Variants in MYZAP observed in about 807,000 individuals in gnomAD.
MYZAP encodes the protein GRINL1A complex locus upstream.
Under a neutral mutation model 69.4 loss-of-function variants are expected in MYZAP, and 66 were observed. The observed-to-expected ratio is 0.95, with a 90% confidence interval of 0.78 to 1.17. The LOEUF is 1.17. Among genes scored for constraint, MYZAP ranks in the 50% most tolerant of loss-of-function variants. MYZAP has a pLI of 0.00. For synonymous variants in MYZAP, 256 were observed against 205.9 expected (o/e 1.24, Z -2.09); for missense variants, 611 against 556.2 (o/e 1.10, Z -0.99).
chr15:57,633,725 T>A lies in MYZAP; in HGVS notation c.917T>A (p.Ile306Asn). 6.2e-7 allele frequency: 1 copy of A among 1,608,974 alleles called. No individual in the cohort carries two copies. The highest frequency in any genetic ancestry group is 1.1e-5 in the South Asian group (1 of 89,550). The change falls in exon 8 of 13, where the codon ATT becomes AAT. Residue 306 changes from isoleucine (I) to asparagine (N), a missense_variant. By Grantham distance (149) the Ile-to-Asn change is moderately radical. Transcript: ENST00000267853. ...AGGATCGGGGAGCTGGACAGGCTGA[T>A]TGAGCGCATGGAAAAGGTAGGACAC... is the stretch of plus-strand genomic sequence containing the variant. Reference protein sequence around the residue: ...DQRIGELDRLIERMEKERHQL... With the variant: ...DQRIGELDRLNERMEKERHQL...
At chr15:57,607,211 A>G (rs2034808431) in intron 2 of MYZAP, among the ~76,000 whole-genome samples, 1 of 152,184 alleles carries the variant, frequency 6.6e-6, no homozygotes, top group African/African-American at 2.4e-5. Flanking sequence ...ATTGGGGAAT[A>G]TAGTCTTTTG....
At chr15:57,646,703 G>A in intron 10 of MYZAP, 2 of 987,480 alleles carry the variant, frequency 2.0e-6, no homozygotes, top group Non-Finnish European at 2.4e-6. Context: ...TTGTATATGG[G>A]AGGTGGCCCT....
intron 12 of MYZAP, among the ~76,000 whole-genome samples, chr15:57,678,276 A>G (rs1375918400): frequency 4.0e-5 from 6 of 151,888 alleles, no homozygotes; most frequent in Non-Finnish European, 5.9e-5. Context: ...ACAGGAGAAT[A>G]GCTTGAACCC....
intron 10 of MYZAP, chr15:57,647,392 A>G (rs1595907082): frequency 1.0e-6 from 1 of 985,394 alleles, no homozygotes; most frequent in South Asian, 4.7e-5. Flanking sequence ...GTTGTTACCT[A>G]CACTGTTTTT....
intron 9 of MYZAP, among the ~76,000 whole-genome samples, chr15:57,638,481 A>C (rs2036946755): frequency 6.6e-6 from 1 of 152,140 alleles, no homozygotes; most frequent in Admixed American, 6.6e-5. Flanking sequence ...TGCTGAAAAA[A>C]TACCCATTTT....
chr15:57,659,913 A>G (rs1035744758), intron 10 of MYZAP, among the ~76,000 whole-genome samples: 19 of 152,068 alleles, frequency 1.2e-4, no homozygotes, highest in African/African-American at 4.6e-4. Flanking sequence ...ATTGGTAGCT[A>G]TTTATTAATA....
chr15:57,617,796 G>A (rs528332531), intron 2 of MYZAP, among the ~76,000 whole-genome samples: 2 of 152,312 alleles, frequency 1.3e-5, no homozygotes, highest in South Asian at 4.1e-4. Flanking sequence ...TGAGTGGACA[G>A]GCCCTTATAT....
chr15:57,647,085 G>T, intron 10 of MYZAP: 1 of 985,338 alleles, frequency 1.0e-6, no homozygotes, highest in Non-Finnish European at 1.2e-6. Flanking sequence ...TCCCTCAGAC[G>T]TTGGCTAGTT....
intron 7 of MYZAP, 113 bp from the exon 8 acceptor site, chr15:57,633,500 A>G: frequency 1.5e-6 from 2 of 1,374,334 alleles, no homozygotes; most frequent in Non-Finnish European, 9.5e-7. Context: ...TTCAGGTTCC[A>G]AGGTCATGTT....
At chr15:57,597,461 C>T (rs1425371413) in intron 1 of MYZAP, among the ~76,000 whole-genome samples, 1 of 152,186 alleles carries the variant, frequency 6.6e-6, no homozygotes, top group Non-Finnish European at 1.5e-5. Context: ...TGCAGACACT[C>T]CTGGGACAGT....
intron 10 of MYZAP, among the ~76,000 whole-genome samples, chr15:57,653,939 A>G (rs967869180): frequency 2.4e-5 from 3 of 124,828 alleles, no homozygotes; most frequent in Admixed American, 1.1e-4. Flanking sequence ...CAGGAGTTTG[A>G]GGCTGCCGTG....
rs1567215876 is a variant in MYZAP at position 57,629,584 on chromosome 15, C to A, written c.526-118C>A. The A allele has an allele frequency of 3.7e-6, 5 of 1,368,680 alleles. No homozygotes were observed. The East Asian group carries it at 7.4e-5, about 20-fold the overall frequency. 84.8% of individuals were successfully genotyped at this position (1,368,680 alleles called of 1,614,324 possible). A position where few individuals can be genotyped will look rare whatever the true frequency, so the allele number is the denominator to read the frequency against. ...GCACAGGGTCCCAGACTGGCAGTTG[C>A]TGTAGCCTAGGACAGCTACCCCAGT... On this transcript the variant is annotated intron_variant, in intron 5 of 12. Transcript: ENST00000267853.
chr15:57,683,681 AC>A (rs2039549106), intron 12 of MYZAP, among the ~76,000 whole-genome samples: 1 of 152,172 alleles, frequency 6.6e-6, no homozygotes, highest in South Asian at 2.1e-4. Context: ...GATGTCTAAG[AC>A]CAAGGTGCCA....
intron 12 of MYZAP, among the ~76,000 whole-genome samples, chr15:57,679,750 C>G (rs1275901458): frequency 6.6e-6 from 1 of 152,170 alleles, no homozygotes; most frequent in African/African-American, 2.4e-5. Context: ...TACATCAAGT[C>G]TCACAGCTTC....
At chr15:57,680,490 C>T (rs530073101) in intron 12 of MYZAP, among the ~76,000 whole-genome samples, 1 of 143,990 alleles carries the variant, frequency 6.9e-6, no homozygotes, top group Admixed American at 6.8e-5. Context: ...GGAGTTCACA[C>T]ACACACACAC....
chr15:57,667,777 C>T (rs2038654635), intron 11 of MYZAP, among the ~76,000 whole-genome samples: 1 of 152,102 alleles, frequency 6.6e-6, no homozygotes. Context: ...TATTAACTTA[C>T]ATAAGTAAGT....
chr15:57,636,722 T>C (rs2036839210), intron 8 of MYZAP, among the ~76,000 whole-genome samples: 1 of 152,252 alleles, frequency 6.6e-6, no homozygotes, highest in African/African-American at 2.4e-5. Context: ...TTTTCAGCTT[T>C]GTCCAAAGAA....
intron 3 of MYZAP, among the ~76,000 whole-genome samples, chr15:57,619,683 T>C (rs1271293211): frequency 6.6e-6 from 1 of 152,206 alleles, no homozygotes; most frequent in Non-Finnish European, 1.5e-5. Flanking sequence ...TTCAGAATAT[T>C]CAATTCCTGA....
At chr15:57,658,023 G>A (rs1411150747) in intron 10 of MYZAP, among the ~76,000 whole-genome samples, 4 of 151,948 alleles carry the variant, frequency 2.6e-5, no homozygotes, top group Non-Finnish European at 5.9e-5. Context: ...TTTTTCTTAC[G>A]GGTGTTTCTG....
Sources: allele counts gnomAD v4.1 joint callset (sites outside exome capture counted in the v4.1 genomes callset), GRCh38; gene constraint gnomAD v4.1.1; transcripts MANE v1.5; gene names NCBI Gene and HGNC (gene_info 2026-07-23, HGNC 2026-07-21).